The following TRAPPC6B variants were observed in gnomAD, a reference collection of about 807,000 sequenced individuals.
TRAPPC6B encodes the protein TRAPP complex subunit 6B.
A neutral mutation model predicts 24.7 loss-of-function variants in TRAPPC6B; 27 were observed. That is an observed-to-expected ratio of 1.09 (90% CI 0.81 to 1.51). TRAPPC6B has a LOEUF of 1.51. Among genes scored for constraint, TRAPPC6B ranks in the 40% most tolerant of loss-of-function variants. The pLI is 0.00. For missense variants in TRAPPC6B, 212 were observed against 190.8 expected (o/e 1.11, Z -0.66); for synonymous variants, 80 against 66.6 (o/e 1.20, Z -0.98).
chr14:39,161,730 A>G (rs752186799), intron 1 of TRAPPC6B, among the ~76,000 whole-genome samples: 1 of 152,114 alleles, frequency 6.6e-6, no homozygotes, highest in Non-Finnish European at 1.5e-5. Context: ...ACACTTCACT[A>G]GCCTCCAGGT....
intron 1 of TRAPPC6B, among the ~76,000 whole-genome samples, chr14:39,165,056 T>TC (rs2053094435): frequency 6.6e-6 from 1 of 151,738 alleles, no homozygotes; most frequent in African/African-American, 2.4e-5. Context: ...TCTTTTTTTT[T>TC]TTTTTTTGAG....
chr14:39,164,989 T>G (rs1399584245), intron 1 of TRAPPC6B, among the ~76,000 whole-genome samples: 1 of 152,052 alleles, frequency 6.6e-6, no homozygotes, highest in East Asian at 1.9e-4. Flanking sequence ...AACTCCAGAG[T>G]GCCATGTTCT....
At chr14:39,158,708 A>G (rs1480981997) in intron 2 of TRAPPC6B, 1 of 195,710 alleles carries the variant, frequency 5.1e-6, no homozygotes, top group Non-Finnish European at 1.0e-5. Context: ...CTTTGTAGAG[A>G]CAGGGTTCCA....
At chr14:39,166,017 T>G (rs2053104563) in intron 1 of TRAPPC6B, among the ~76,000 whole-genome samples, 2 of 152,186 alleles carry the variant, frequency 1.3e-5, no homozygotes, top group Non-Finnish European at 2.9e-5. Context: ...TTGGCCAGGC[T>G]GGCCTGGAAC....
At chr14:39,156,120 TAGA>T (rs2052975593) in intron 3 of TRAPPC6B, among the ~76,000 whole-genome samples, 3 of 152,146 alleles carry the variant, frequency 2.0e-5, no homozygotes, top group Admixed American at 6.5e-5. Context: ...AAATCATGTC[TAGA>T]GAGTAAAAAA....
chr14:39,154,272 T>A lies in TRAPPC6B; in HGVS notation c.290A>T (p.Asn97Ile), dbSNP rs1259638881. 3 of 1,613,254 alleles carry A rather than the reference T, an allele frequency of 1.9e-6. No individual in the cohort carries two copies. The East Asian group carries it at 6.7e-5, about 36-fold the overall frequency. Residue 97 changes from asparagine to isoleucine, a missense_variant, in exon 4 of 6, where the codon AAC (asparagine) becomes ATC (isoleucine). Physicochemically the swap from Asn to Ile is moderately radical, Grantham distance 149. Transcript: ENST00000330149. ...CATCTGAGTAAGCAGGCGAAATTTG[T>A]TGTCCTGAAGTACATAGATGCCCTG... The part of the protein sequence containing the change: ...NHQGIYVLQD[N>I]KFRLLTQMSA...
rs2052895191 is a variant in TRAPPC6B, at chr14:39,150,062, T to C, written c.*288A>G. 1 of 250,704 alleles carries C rather than the reference T, an allele frequency of 4.0e-6. No individual in the cohort carries two copies. Among genetic ancestry groups the C allele is most frequent in the African/African-American group, 2.2e-5 (1 of 45,042 alleles). 15.5% of individuals were successfully genotyped at this position (250,704 alleles called of 1,614,324 possible). A position where few individuals can be genotyped will look rare whatever the true frequency, so the allele number is the denominator to read the frequency against. On this transcript the variant is annotated 3_prime_UTR_variant, in exon 6 of 6. Coordinates refer to ENST00000330149, the MANE Select transcript of TRAPPC6B (RefSeq NM_001079537.2). The stretch of plus-strand genomic sequence containing the variant: ...AAACCCTGAGCTTTGTTTCTCCATC[T>C]ATGGCTAAATACATATCACTCTAAC...
chr14:39,161,449 G>C (rs1207748759), intron 1 of TRAPPC6B, among the ~76,000 whole-genome samples: 2 of 152,186 alleles, frequency 1.3e-5, no homozygotes, highest in Admixed American at 1.3e-4. Flanking sequence ...TTACGTCACT[G>C]AGGTCTATGA....
rs958065617 is a variant in TRAPPC6B at position 39,150,490 on chromosome 14, A to G, written c.446-109T>C. ...AATAGTTTCAGTCAAGAAATCTGCT[A>G]TGTCAAAAACTTTTTCGCATTCTTC... is the stretch of plus-strand genomic sequence containing the variant. On this transcript the variant is annotated intron_variant, in intron 5 of 5. Transcript: ENST00000330149. The G allele has an allele frequency of 3.8e-6, 3 of 794,726 alleles. No homozygotes were observed. The African/African-American group carries it at 5.3e-5, about 14-fold the overall frequency. The allele number at this position is 794,726 out of a possible 1,614,324, so 49.2% of individuals were successfully genotyped here.
intron 5 of TRAPPC6B, among the ~76,000 whole-genome samples, chr14:39,151,139 C>T (rs1042699291): frequency 4.6e-5 from 7 of 151,920 alleles, no homozygotes; most frequent in Admixed American, 4.6e-4. Flanking sequence ...TGCCTGTAAT[C>T]CCAGCACTTT....
intron 3 of TRAPPC6B, chr14:39,156,787 G>C (rs2052983532): frequency 6.6e-6 from 1 of 152,286 alleles, no homozygotes; most frequent in Non-Finnish European, 1.5e-5. Flanking sequence ...TCTGGCCCTT[G>C]GTGTCATGAA....
Position 39,155,698 on chromosome 14 carries a change from G to A in TRAPPC6B, c.268-1404C>T, listed in dbSNP as rs139941202. Among the ~76,000 whole-genome samples the A allele has an allele frequency of 4.6e-3, 703 of 151,734 alleles. 5 individuals carry two copies. Among genetic ancestry groups the A allele is most frequent in the African/African-American group, 0.016 (663 of 41,348 alleles). ...ACTATAAGCGTGCGCCAATATGCCT[G>A]GCTAATTTTTGTATTTTTAGTAGAG... On this transcript the variant is annotated intron_variant, in intron 3 of 5. Coordinates refer to ENST00000330149, the MANE Select transcript of TRAPPC6B (RefSeq NM_001079537.2).
chr14:39,164,989 T>C (rs1399584245), intron 1 of TRAPPC6B, among the ~76,000 whole-genome samples: 1 of 152,052 alleles, frequency 6.6e-6, no homozygotes, highest in Non-Finnish European at 1.5e-5. Context: ...AACTCCAGAG[T>C]GCCATGTTCT....
At chr14:39,155,229 T>C (rs936517240) in intron 3 of TRAPPC6B, among the ~76,000 whole-genome samples, 1 of 152,066 alleles carries the variant, frequency 6.6e-6, no homozygotes, top group African/African-American at 2.4e-5. Context: ...ACACCCGACC[T>C]AATTTTTATT....
chr14:39,158,341 C>T lies in TRAPPC6B; in HGVS notation c.211G>A (p.Asp71Asn), dbSNP rs1336034441. 11 of 1,604,106 alleles carry T rather than the reference C, an allele frequency of 6.9e-6. No individual in the cohort carries two copies. The highest frequency in any genetic ancestry group is 9.3e-6 in the Non-Finnish European group (11 of 1,177,924). Residue 71 changes from aspartate (D) to asparagine (N), a missense_variant, in exon 3 of 6, where the codon GAT (aspartate) becomes AAT (asparagine). Asp to Asn is a conservative substitution (Grantham distance 23). Coordinates refer to ENST00000330149, the MANE Select transcript of TRAPPC6B (RefSeq NM_001079537.2). ...TTCTTGAATACCGTAGTCCAAAAAT[C>T]TTTACAAATGAACTTCATGATATCT... ...ELDIMKFICK[D>N]FWTTVFKKQI...
At chr14:39,160,593 G>A (rs2053044594) in intron 1 of TRAPPC6B, among the ~76,000 whole-genome samples, 1 of 136,618 alleles carries the variant, frequency 7.3e-6, no homozygotes, top group Non-Finnish European at 1.6e-5. Flanking sequence ...GAGAAGAGAA[G>A]AGAAAGAAAA....
At position 39,160,574 on chromosome 14, in the gene TRAPPC6B, G is replaced by T. The variant is rs1012400835; in HGVS notation, c.82-1024C>A. Among the ~76,000 whole-genome samples, 4 of 132,896 alleles carry T rather than the reference G, an allele frequency of 3.0e-5. No individual in the cohort carries two copies. The East Asian group carries it at 7.8e-4, about 26-fold the overall frequency. The allele number at this position is 132,896 out of a possible 152,430, so 87.2% of individuals were successfully genotyped here. A position where few individuals can be genotyped will look rare whatever the true frequency, so the allele number is the denominator to read the frequency against. On this transcript the variant is annotated intron_variant, in intron 1 of 5. Coordinates refer to ENST00000330149, the MANE Select transcript of TRAPPC6B (RefSeq NM_001079537.2). Reference sequence around the variant, plus strand: ...AGGTTGAGCAAGGGACCCCATGAAAGAAAGAAAAGAGAAGAGAAGAGAAAG... The same window carrying T: ...AGGTTGAGCAAGGGACCCCATGAAATAAAGAAAAGAGAAGAGAAGAGAAAG...
intron 5 of TRAPPC6B, 37 bp downstream of exon 5, chr14:39,151,709 T>G (rs745726096): frequency 2.8e-6 from 4 of 1,442,286 alleles, no homozygotes; most frequent in South Asian, 1.3e-5. Flanking sequence ...GAAAACAAAT[T>G]ACTAAAACAT....
At chr14:39,166,171 C>T (rs1244140005) in intron 1 of TRAPPC6B, among the ~76,000 whole-genome samples, 3 of 151,192 alleles carry the variant, frequency 2.0e-5, no homozygotes, top group Non-Finnish European at 2.9e-5. Flanking sequence ...AACTCCTGGG[C>T]TCAAGTAATT....
Sources: gnomAD v4.1 joint callset for allele counts (sites outside exome capture counted in the v4.1 genomes callset) on GRCh38, gnomAD v4.1.1 for gene constraint, MANE v1.5 for transcripts, NCBI Gene and HGNC (gene_info 2026-07-23, HGNC 2026-07-21) for gene names.